RHO: variants seen among roughly 807,000 people sequenced by gnomAD.
RHO encodes rhodopsin.
RHO carries 21 observed loss-of-function variants against 31.2 expected under a neutral mutation model. The observed-to-expected ratio is 0.67, with a 90% CI of 0.48 to 0.97. The LOEUF (loss-of-function observed/expected upper bound fraction) is 0.97, where lower values mean the gene tolerates loss of function less well. Ranked by LOEUF, RHO falls within the 50% of genes least tolerant of loss-of-function variation. The pLI, the probability that RHO is intolerant of heterozygous loss-of-function variation, is 0.00. For synonymous variants in RHO, 211 were observed against 196.6 expected (o/e 1.07, Z -0.61); for missense variants, 414 against 479.5 (o/e 0.86, Z 1.28).
Position 129,532,761 on chromosome 3 carries a change from A to T in RHO, c.925A>T (p.Met309Leu), listed in dbSNP as rs146391463. 6.8e-6 allele frequency: 11 copies of T among 1,614,096 alleles called. No individual in the cohort carries two copies. In the African/African-American group the frequency reaches 1.3e-4, roughly 20 times the overall value. The change falls in exon 4 of 5, where the codon ATG becomes TTG. Residue 309 changes from methionine (M) to leucine (L), a missense_variant. Physicochemically the swap from Met to Leu is conservative, Grantham distance 15. Transcript: ENST00000296271. The surrounding 1 kb of genome is among the most constrained non-coding windows in gnomAD (Gnocchi z 5.5). ...AIYNPVIYIM[M>L]NKQFRNCMLT... ...CTACAACCCTGTCATCTATATCATG[A>T]TGAACAAGCAGGTGCCTACTGCGGG... is the stretch of plus-strand genomic sequence containing the variant.
At position 129,528,793 on chromosome 3, in the gene RHO, A is replaced by G. The variant is rs1560045604; in HGVS notation, c.60A>G (p.Val20=). 2 of 1,614,188 alleles carry G rather than the reference A, an allele frequency of 1.2e-6. No homozygotes were observed. Among genetic ancestry groups the G allele is most frequent in the Admixed American group, 1.7e-5 (1 of 60,028 alleles). Reference sequence around the variant, plus strand: ...CCTTCTCCAATGCGACGGGTGTGGTACGCAGCCCCTTCGAGTACCCACAGT... The same window carrying G: ...CCTTCTCCAATGCGACGGGTGTGGTGCGCAGCCCCTTCGAGTACCCACAGT... ...YVPFSNATGV[V]RSPFEYPQYY... is the part of the protein sequence containing the mutation. The change falls in exon 1 of 5, where the codon GTA becomes GTG. Residue 20 remains valine (V), a synonymous_variant. Coordinates refer to ENST00000296271, the MANE Select transcript of RHO (RefSeq NM_000539.3).
rs948896484 is a variant in RHO at position 129,533,842 on chromosome 3, A to T, written c.*124A>T. The stretch of plus-strand genomic sequence containing the variant: ...TGAACGAAGTCACATAGGCTCCTTA[A>T]TTTTTTTTTTTTTTTTAAGAAATAA... On this transcript the variant is annotated 3_prime_UTR_variant, in exon 5 of 5. Transcript: ENST00000296271. 3 of 547,868 alleles carry T rather than the reference A, an allele frequency of 5.5e-6. No individual in the cohort carries two copies. Among genetic ancestry groups the T allele is most frequent in the Non-Finnish European group, 9.7e-6 (3 of 309,224 alleles). The allele number at this position is 547,868 out of a possible 1,614,324, so 33.9% of individuals were successfully genotyped here. A position where few individuals can be genotyped will look rare whatever the true frequency, so the allele number is the denominator to read the frequency against.
chr3:129,529,714 G>A (rs569194631), intron 1 of RHO, among the ~76,000 whole-genome samples: 4 of 152,336 alleles, frequency 2.6e-5, no homozygotes, highest in Non-Finnish European at 5.9e-5. Context: ...CAAGTCTCCT[G>A]GTGTTGAGAA....
rs548460589 is a variant in RHO at position 129,533,750 on chromosome 3, G to C, written c.*32G>C. On this transcript the variant is annotated 3_prime_UTR_variant, in exon 5 of 5. Transcript: ENST00000296271. ...CCTAGGACTCTGTGGCCGACTATAG[G>C]CGTCTCCCATCCCCTACACCTTCCC... 4 of 1,463,680 alleles carry C rather than the reference G, an allele frequency of 2.7e-6. No individual in the cohort carries two copies. In the African/African-American group the frequency reaches 4.2e-5, roughly 15 times the overall value. 90.7% of individuals were successfully genotyped at this position (1,463,680 alleles called of 1,614,324 possible).
chr3:129,530,953 C>A lies in RHO; in HGVS notation c.439C>A (p.Arg147Ser). ...GGTGTGTAAGCCCATGAGCAACTTC[C>A]GCTTCGGGGAGAACCATGCCATCAT... is the stretch of plus-strand genomic sequence containing the variant. ...VVVCKPMSNF[R>S]FGENHAIMGV... Residue 147 changes from arginine to serine, a missense_variant, in exon 2 of 5, where the codon CGC becomes AGC. Transcript: ENST00000296271. The A allele has an allele frequency of 6.2e-7, 1 of 1,614,274 alleles. No individual in the cohort carries two copies. The highest frequency in any genetic ancestry group is 8.5e-7 in the Non-Finnish European group (1 of 1,180,048).
rs1231831284 is a variant in RHO at position 129,532,114 on chromosome 3, A to T, written c.531-137A>T. The T allele has an allele frequency of 2.9e-6, 2 of 688,130 alleles. No individual in the cohort carries two copies. The highest frequency in any genetic ancestry group is 5.2e-6 in the Non-Finnish European group (2 of 384,232). 42.6% of individuals were successfully genotyped at this position (688,130 alleles called of 1,614,324 possible). ...CCCATCTGATCCATTCCATCCTGTC[A>T]CCCAGCCATGCAGACGTTTATGATC... is the stretch of plus-strand genomic sequence containing the variant. On this transcript the variant is annotated intron_variant, in intron 2 of 4. Transcript: ENST00000296271. The surrounding 1 kb of genome is among the most constrained non-coding windows in gnomAD (Gnocchi z 5.5).
rs1420195862 is a variant in RHO, at chr3:129,530,968, C to T, written c.454C>T (p.His152Tyr). Reference protein sequence around the residue: ...PMSNFRFGENHAIMGVAFTWV... With the variant: ...PMSNFRFGENYAIMGVAFTWV... Reference sequence around the variant, plus strand: ...GAGCAACTTCCGCTTCGGGGAGAACCATGCCATCATGGGCGTTGCCTTCAC... The same window carrying T: ...GAGCAACTTCCGCTTCGGGGAGAACTATGCCATCATGGGCGTTGCCTTCAC... The change falls in exon 2 of 5, where the codon CAT (histidine) becomes TAT (tyrosine). Residue 152 changes from histidine to tyrosine, a missense_variant. Physicochemically the swap from His to Tyr is moderately conservative, Grantham distance 83 (BLOSUM62 2). Transcript: ENST00000296271. 1 of 1,614,278 alleles carries T rather than the reference C, an allele frequency of 6.2e-7. No individual in the cohort carries two copies. The highest frequency in any genetic ancestry group is 1.7e-5 in the Admixed American group (1 of 60,036).
At position 129,528,847 on chromosome 3, in the gene RHO, C is replaced by A. The variant is rs2084756872; in HGVS notation, c.114C>A (p.Ser38=). ...QYYLAEPWQF[S]MLAAYMFLLI... ...ACCTGGCTGAGCCATGGCAGTTCTC[C>A]ATGCTGGCCGCCTACATGTTTCTGC... Residue 38 remains serine, a synonymous_variant, in exon 1 of 5, where the codon TCC becomes TCA. Coordinates refer to ENST00000296271, the MANE Select transcript of RHO (RefSeq NM_000539.3). The A allele has an allele frequency of 6.2e-7, 1 of 1,614,238 alleles. No individual in the cohort carries two copies. Among genetic ancestry groups the A allele is most frequent in the African/African-American group, 1.3e-5 (1 of 75,052 alleles).
chr3:129,534,046 G>A lies in RHO; in HGVS notation c.*328G>A, dbSNP rs1237976705. On this transcript the variant is annotated 3_prime_UTR_variant, in exon 5 of 5. Transcript: ENST00000296271. ...GAAAAGTGTCCCAGCTTAGGGATAA[G>A]TGTCTAGCACAGAATGGGGCACACA... The A allele has an allele frequency of 2.9e-6, 1 of 341,742 alleles. No homozygotes were observed. The highest frequency in any genetic ancestry group is 2.1e-5 in the African/African-American group (1 of 47,378). The allele number at this position is 341,742 out of a possible 1,614,324, so 21.2% of individuals were successfully genotyped here. A position where few individuals can be genotyped will look rare whatever the true frequency, so the allele number is the denominator to read the frequency against.
At chr3:129,531,787 C>T (rs1388489669) in intron 2 of RHO, among the ~76,000 whole-genome samples, 1 of 152,204 alleles carries the variant, frequency 6.6e-6, no homozygotes, top group African/African-American at 2.4e-5. Flanking sequence ...ATGACGTGCG[C>T]TGGAAGCCTC....
chr3:129,535,158 T>A lies in RHO; in HGVS notation c.*1440T>A, dbSNP rs558693495. ...TGGGCCATTAAAAGCTCAGCTCCTA[T>A]GTTGGTATTAACGGTGGTGGGTTTT... On this transcript the variant is annotated 3_prime_UTR_variant, in exon 5 of 5. Coordinates refer to ENST00000296271, the MANE Select transcript of RHO (RefSeq NM_000539.3). 6.5e-6 allele frequency: 1 copy of A among 152,800 alleles called. No individual in the cohort carries two copies. Among genetic ancestry groups the A allele is most frequent in the Non-Finnish European group, 1.5e-5 (1 of 68,058 alleles). 9.5% of individuals were successfully genotyped at this position (152,800 alleles called of 1,614,324 possible). A position where few individuals can be genotyped will look rare whatever the true frequency, so the allele number is the denominator to read the frequency against.
intron 1 of RHO, among the ~76,000 whole-genome samples, chr3:129,529,882 C>T (rs1290534863): frequency 1.3e-5 from 2 of 152,148 alleles, no homozygotes; most frequent in African/African-American, 4.8e-5. Context: ...AGGGATGTGG[C>T]CAGGCAGCAA....
intron 2 of RHO, among the ~76,000 whole-genome samples, chr3:129,531,847 C>T (rs1351446086): frequency 1.3e-5 from 2 of 152,182 alleles, no homozygotes; most frequent in Non-Finnish European, 2.9e-5. Context: ...GTGTGTCCAT[C>T]TTTGGCCTGG....
chr3:129,529,394 G>T (rs560370759), intron 1 of RHO, among the ~76,000 whole-genome samples: 1 of 152,262 alleles, frequency 6.6e-6, no homozygotes, highest in Non-Finnish European at 1.5e-5. Flanking sequence ...CTGCTGGGGC[G>T]TCACACAGGG....
In RHO at chr3:129,534,068, C is replaced by T. The variant is rs2084804329; in HGVS notation, c.*350C>T. 3.6e-6 allele frequency: 1 copy of T among 280,402 alleles called. No individual in the cohort carries two copies. The highest frequency in any genetic ancestry group is 4.8e-5 in the Admixed American group (1 of 20,626). 17.4% of individuals were successfully genotyped at this position (280,402 alleles called of 1,614,324 possible). Reference sequence around the variant, plus strand: ...TAAGTGTCTAGCACAGAATGGGGCACACAGTAGGTGCTTAATAAATGCTGG... The same window carrying T: ...TAAGTGTCTAGCACAGAATGGGGCATACAGTAGGTGCTTAATAAATGCTGG... On this transcript the variant is annotated 3_prime_UTR_variant, in exon 5 of 5. Transcript: ENST00000296271.
chr3:129,529,324 A>G (rs913494008), intron 1 of RHO, among the ~76,000 whole-genome samples: 1 of 152,278 alleles, frequency 6.6e-6, no homozygotes, highest in Non-Finnish European at 1.5e-5. Flanking sequence ...TTGGAGCAAT[A>G]TGCGCTTGTC....
rs368534414 is a variant in RHO at position 129,532,362 on chromosome 3, C to A, written c.642C>A (p.Ile214=). ...VIYMFVVHFT[I]PMIIIFFCYG... Reference sequence around the variant, plus strand: ...ACATGTTCGTGGTCCACTTCACCATCCCCATGATTATCATCTTTTTCTGCT... The same window carrying A: ...ACATGTTCGTGGTCCACTTCACCATACCCATGATTATCATCTTTTTCTGCT... The change falls in exon 3 of 5, where the codon ATC becomes ATA. Residue 214 remains isoleucine, a synonymous_variant. Transcript: ENST00000296271. The surrounding 1 kb of genome is among the most constrained non-coding windows in gnomAD (Gnocchi z 5.5). 6.8e-6 allele frequency: 11 copies of A among 1,613,944 alleles called. No homozygotes were observed. The East Asian group carries it at 2.0e-4, about 29-fold the overall frequency.
rs746247806 is a variant in RHO at position 129,528,716 on chromosome 3, G to C, written c.-18G>C. 6.2e-7 allele frequency: 1 copy of C among 1,614,002 alleles called. No individual in the cohort carries two copies. The highest frequency in any genetic ancestry group is 1.7e-5 in the Admixed American group (1 of 60,030). On this transcript the variant is annotated 5_prime_UTR_variant, in exon 1 of 5. Coordinates refer to ENST00000296271, the MANE Select transcript of RHO (RefSeq NM_000539.3). ...CTTGGGTGGGAGCAGCCACGGGTCAGCCACAAGGGCCACAGCCATGAATGG... is the reference window on the plus strand; with the variant it reads ...CTTGGGTGGGAGCAGCCACGGGTCACCCACAAGGGCCACAGCCATGAATGG...
chr3:129,528,864 T>C lies in RHO; in HGVS notation c.131T>C (p.Met44Thr), dbSNP rs774336493. Residue 44 changes from methionine to threonine, a missense_variant, in exon 1 of 5, where the codon ATG (methionine) becomes ACG (threonine). Coordinates refer to ENST00000296271, the MANE Select transcript of RHO (RefSeq NM_000539.3). ...CAGTTCTCCATGCTGGCCGCCTACA[T>C]GTTTCTGCTGATCGTGCTGGGCTTC... ...PWQFSMLAAYMFLLIVLGFPI... is the reference protein window; with the variant it reads ...PWQFSMLAAYTFLLIVLGFPI... 19 of 1,614,110 alleles carry C rather than the reference T, an allele frequency of 1.2e-5. No individual in the cohort carries two copies. The highest frequency in any genetic ancestry group is 3.3e-5 in the Admixed American group (2 of 60,012).
Sources: allele counts gnomAD v4.1 joint callset (sites outside exome capture counted in the v4.1 genomes callset), GRCh38; gene constraint gnomAD v4.1.1; non-coding constraint Gnocchi (gnomAD v3.1); transcripts MANE v1.5; gene names NCBI Gene and HGNC (gene_info 2026-07-23, HGNC 2026-07-21).